Variants in FGF20 observed in about 807,000 individuals in gnomAD.
FGF20 encodes fibroblast growth factor 20.
FGF20 carries 8 observed loss-of-function variants against 16.7 expected under a neutral mutation model. The ratio of observed to expected loss-of-function variants is 0.48; its 90% CI spans 0.28 to 0.87. The LOEUF (loss-of-function observed/expected upper bound fraction) is 0.87, where lower values mean the gene tolerates loss of function less well. FGF20 is among the 40% of genes least tolerant of loss of function. The pLI is 0.10. For missense variants in FGF20, 397 were observed against 281.4 expected (o/e 1.41, Z -2.94); for synonymous variants, 161 against 118.6 (o/e 1.36, Z -2.32).
At chr8:17,001,042 C>T (rs1810167853) in intron 1 of FGF20, among the ~76,000 whole-genome samples, 1 of 150,730 alleles carries the variant, frequency 6.6e-6, no homozygotes, top group African/African-American at 2.4e-5. Context: ...CCTCCTCCCC[C>T]ACCCCTCCCC....
rs560178950 is a variant in FGF20, at chr8:17,001,936, G to C, written c.97C>G (p.Arg33Gly). 22 of 1,493,810 alleles carry C rather than the reference G, an allele frequency of 1.5e-5. No individual in the cohort carries two copies. In the South Asian group the frequency reaches 2.3e-4, roughly 16 times the overall value. 92.5% of individuals were successfully genotyped at this position (1,493,810 alleles called of 1,614,324 possible). The part of the protein sequence containing the change: ...SHFLLPPAGE[R>G]PPLLGERRSA... The stretch of plus-strand genomic sequence containing the variant: ...CTGCGCTCGCCCAGCAGCGGCGGCC[G>C]CTCCCCGGCAGGAGGCAACAGGAAA... Residue 33 changes from arginine to glycine, a missense_variant, in exon 1 of 3, where the codon CGG becomes GGG. Arg to Gly is a moderately radical substitution (Grantham distance 125, BLOSUM62 -2). Coordinates refer to ENST00000180166, the MANE Select transcript of FGF20 (RefSeq NM_019851.3).
intron 2 of FGF20, among the ~76,000 whole-genome samples, chr8:16,995,188 C>A (rs1464490721): frequency 1.3e-5 from 2 of 152,194 alleles, no homozygotes; most frequent in Non-Finnish European, 2.9e-5. Flanking sequence ...CCATCTTCTC[C>A]TGTTACTTGC....
At chr8:16,993,355 T>C (rs1024001458) in intron 2 of FGF20, 38 bp from the exon 3 acceptor site, 1 of 1,537,570 alleles carries the variant, frequency 6.5e-7, no homozygotes, top group Non-Finnish European at 8.8e-7. Context: ...TTTAAAAAAA[T>C]ACCTTTGAGA....
intron 2 of FGF20, among the ~76,000 whole-genome samples, chr8:16,993,889 C>G (rs1257805317): frequency 2.0e-5 from 3 of 152,088 alleles, no homozygotes; most frequent in African/African-American, 7.2e-5. Flanking sequence ...GCTGATCTCA[C>G]AGGAGGCGGA....
At chr8:16,995,525 G>A (rs1810022239) in intron 2 of FGF20, 130 bp downstream of exon 2, 1 of 446,470 alleles carries the variant, frequency 2.2e-6, no homozygotes, top group East Asian at 3.3e-5. Context: ...TAGCAGGATA[G>A]ATTTCAATTT....
chr8:17,001,436 C>T (rs1201476784), intron 1 of FGF20, among the ~76,000 whole-genome samples: 5 of 152,110 alleles, frequency 3.3e-5, no homozygotes, highest in African/African-American at 1.2e-4. Flanking sequence ...GTGTCCCCGG[C>T]AGTGGGAAGG....
At position 16,993,190 on chromosome 8, in the gene FGF20, C is replaced by A; in HGVS notation, c.518G>T (p.Gly173Val). ...GGACCTGGCGCCATCTCTTGGAGTT[C>A]CGTCTTTGTTAAGTGCCACAAAATA... ...RRYFVALNKD[G>V]TPRDGARSKR... Residue 173 changes from glycine to valine, a missense_variant, in exon 3 of 3, where the codon GGA becomes GTA. Gly to Val is a moderately radical substitution (Grantham distance 109). Transcript: ENST00000180166. The A allele has an allele frequency of 6.2e-7, 1 of 1,614,014 alleles. No individual in the cohort carries two copies. Among genetic ancestry groups the A allele is most frequent in the Non-Finnish European group, 8.5e-7 (1 of 1,179,992 alleles).
Position 17,002,237 on chromosome 8 carries a change from G to T in FGF20, c.-205C>A. 8 of 492,516 alleles carry T rather than the reference G, an allele frequency of 1.6e-5. No homozygotes were observed. Among genetic ancestry groups the T allele is most frequent in the Non-Finnish European group, 2.7e-5 (8 of 293,498 alleles). 30.5% of individuals were successfully genotyped at this position (492,516 alleles called of 1,614,324 possible). A position where few individuals can be genotyped will look rare whatever the true frequency, so the allele number is the denominator to read the frequency against. ...GGAGCGATCTTCTCTCCTTGGGTAG[G>T]TGGGAGCCGGCTGCTGGCTCTGCAG... On this transcript the variant is annotated 5_prime_UTR_variant, in exon 1 of 3. Transcript: ENST00000180166.
rs528403881 is a variant in FGF20 at position 16,995,984 on chromosome 8, G to C, written c.287-226C>G. On this transcript the variant is annotated intron_variant, in intron 1 of 2. Transcript: ENST00000180166. ...TTGTTCACCATGGTGAGACAATCAAGTATAAAGGGGTTCCCAGAGAACCTC... is the reference window on the plus strand; with the variant it reads ...TTGTTCACCATGGTGAGACAATCAACTATAAAGGGGTTCCCAGAGAACCTC... 4.6e-5 allele frequency among the ~76,000 whole-genome samples: 7 copies of C among 152,292 alleles called. No homozygotes were observed. The East Asian group carries it at 7.7e-4, about 17-fold the overall frequency.
intron 1 of FGF20, among the ~76,000 whole-genome samples, chr8:17,000,581 A>G (rs555924287): frequency 6.6e-6 from 1 of 152,286 alleles, no homozygotes; most frequent in East Asian, 1.9e-4. Context: ...AATTTTTCCA[A>G]TGATGTCAAA....
chr8:17,000,062 T>A (rs765005679), intron 1 of FGF20, among the ~76,000 whole-genome samples: 2 of 152,120 alleles, frequency 1.3e-5, no homozygotes, highest in African/African-American at 2.4e-5. Flanking sequence ...GCAAAGTTCT[T>A]CAGAATCGAA....
rs1409476483 is a variant in FGF20 at position 17,001,877 on chromosome 8, C to T, written c.156G>A (p.Pro52=). The change falls in exon 1 of 3, where the codon CCG becomes CCA. Residue 52 remains proline, a synonymous_variant. Coordinates refer to ENST00000180166, the MANE Select transcript of FGF20 (RefSeq NM_019851.3). The part of the protein sequence containing the change: ...SAAERSARGG[P]GAAQLAHLHG... ...GCAGGTGCGCCAGCTGCGCAGCCCC[C>T]GGCCCGCCGCGCGCGCTCCGCTCCG... The T allele has an allele frequency of 9.1e-6, 13 of 1,432,822 alleles. No homozygotes were observed. In the Admixed American group the frequency reaches 1.3e-4, roughly 14 times the overall value. The allele number at this position is 1,432,822 out of a possible 1,614,324, so 88.8% of individuals were successfully genotyped here. A position where few individuals can be genotyped will look rare whatever the true frequency, so the allele number is the denominator to read the frequency against.
chr8:16,998,539 G>T (rs571830069), intron 1 of FGF20, among the ~76,000 whole-genome samples: 3 of 152,128 alleles, frequency 2.0e-5, no homozygotes, highest in Non-Finnish European at 4.4e-5. Flanking sequence ...TTCCTTAAGA[G>T]GTAATCACAG....
In FGF20 at chr8:16,997,614, C is replaced by A. The variant is rs1301799448; in HGVS notation, c.287-1856G>T. ...ACTAGAGCTATCAAGGATCTTACAG[C>A]AACAATACACTGCTAAATAGTCTAT... is the stretch of plus-strand genomic sequence containing the variant. On this transcript the variant is annotated intron_variant, in intron 1 of 2. Coordinates refer to ENST00000180166, the MANE Select transcript of FGF20 (RefSeq NM_019851.3). Among the ~76,000 whole-genome samples, 5 of 152,290 alleles carry A rather than the reference C, an allele frequency of 3.3e-5. No homozygotes were observed. In the East Asian group the frequency reaches 9.6e-4, roughly 29 times the overall value.
Position 16,992,997 on chromosome 8 carries a change from C to T in FGF20, c.*75G>A. ...TAATATTTTGAACGTCTCCTTGGGT[C>T]ATTATTTTATGATGGGAACTATGAC... On this transcript the variant is annotated 3_prime_UTR_variant, in exon 3 of 3. Transcript: ENST00000180166. 4.0e-6 allele frequency: 6 copies of T among 1,496,476 alleles called. No individual in the cohort carries two copies. The highest frequency in any genetic ancestry group is 5.4e-6 in the Non-Finnish European group (6 of 1,106,476). The allele number at this position is 1,496,476 out of a possible 1,614,324, so 92.7% of individuals were successfully genotyped here.
At chr8:17,001,570 G>A (rs17549948) in intron 1 of FGF20, among the ~76,000 whole-genome samples, 177 bp downstream of exon 1, 426 of 152,312 alleles carry the variant, frequency 2.8e-3, no homozygotes, top group Middle Eastern at 6.8e-3. Context: ...TCTCCCCGCG[G>A]CTGCTCTGGC....
At position 16,992,918 on chromosome 8, in the gene FGF20, GT is replaced by G. The variant is rs937947933; in HGVS notation, c.*153del. 2.7e-5 allele frequency: 27 copies of G among 994,626 alleles called. 1 individual carries two copies. Among genetic ancestry groups the G allele is most frequent in the Non-Finnish European group, 3.5e-5 (24 of 694,504 alleles). 61.6% of individuals were successfully genotyped at this position (994,626 alleles called of 1,614,324 possible). Reference sequence around the variant, plus strand: ...CTATTTCTAGTCAAAATTTTTTTTGGTTTTTTTTCTCAATATTCTTTCCAAA... The same window carrying G: ...CTATTTCTAGTCAAAATTTTTTTTGGTTTTTTTCTCAATATTCTTTCCAAA... On this transcript the variant is annotated 3_prime_UTR_variant, in exon 3 of 3. Coordinates refer to ENST00000180166, the MANE Select transcript of FGF20 (RefSeq NM_019851.3).
chr8:16,995,535 T>C (rs1810022407), intron 2 of FGF20, 120 bp downstream of exon 2: 2 of 453,572 alleles, frequency 4.4e-6, no homozygotes. Context: ...GATTTCAATT[T>C]CTACGTAAGT....
chr8:17,001,963 G>C lies in FGF20; in HGVS notation c.70C>G (p.His24Asp). 1 of 1,507,258 alleles carries C rather than the reference G, an allele frequency of 6.6e-7. No individual in the cohort carries two copies. Among genetic ancestry groups the C allele is most frequent in the Non-Finnish European group, 8.9e-7 (1 of 1,129,014 alleles). 93.4% of individuals were successfully genotyped at this position (1,507,258 alleles called of 1,614,324 possible). The change falls in exon 1 of 3, where the codon CAT (histidine) becomes GAT (aspartate). Residue 24 changes from histidine (H) to aspartate (D), a missense_variant. His to Asp is a moderately conservative substitution (Grantham distance 81). Transcript: ENST00000180166. ...LEGLGQQVGS[H>D]FLLPPAGERP... ...TCCCCGGCAGGAGGCAACAGGAAAT[G>C]CGAACCCACCTGCTGGCCCAAGCCC...
Sources: gnomAD v4.1 joint callset for allele counts (sites outside exome capture counted in the v4.1 genomes callset) on GRCh38, gnomAD v4.1.1 for gene constraint, MANE v1.5 for transcripts, NCBI Gene and HGNC (gene_info 2026-07-23, HGNC 2026-07-21) for gene names.